Variants in PRRC2B observed in about 807,000 individuals in gnomAD.
PRRC2B encodes the protein protein PRRC2B.
In PRRC2B, 68 loss-of-function variants were observed where a neutral mutation model predicts 242.3. The observed-to-expected ratio is 0.28, with a 90% CI of 0.23 to 0.34. PRRC2B has a LOEUF of 0.34. PRRC2B is among the 10% of genes least tolerant of loss of function. The probability of loss-of-function intolerance (pLI) is 1.00; values close to 1 mark genes in which losing one functional copy is unlikely to be tolerated. For missense variants in PRRC2B, 2,835 were observed against 2,954.8 expected, an observed-to-expected ratio of 0.96 and a Z score of 0.94; for synonymous variants, 1,228 against 1,173.6, an observed-to-expected ratio of 1.05 and a Z score of -0.95.
intron 14 of PRRC2B, among the ~76,000 whole-genome samples, chr9:131,472,255 A>G (rs969369599): frequency 5.3e-5 from 8 of 152,096 alleles, no homozygotes; most frequent in African/African-American, 1.9e-4. Context: ...CTGAAAGTCT[A>G]TGACTTTTAA....
At chr9:131,491,608 C>G (rs1372413362) in intron 29 of PRRC2B, 28 bp downstream of exon 29, 1 of 1,581,184 alleles carries the variant, frequency 6.3e-7, no homozygotes, top group Admixed American at 1.8e-5. Context: ...GCCTCTGACC[C>G]TAGGGAGGGG....
At chr9:131,480,619 ATT>A (rs77800389) in intron 19 of PRRC2B, among the ~76,000 whole-genome samples, 2 of 144,668 alleles carry the variant, frequency 1.4e-5, no homozygotes, top group Admixed American at 6.9e-5. Context: ...ATGTGAAAGG[ATT>A]TTTTTTTTTT....
At chr9:131,391,763 CAG>C (rs1836902242), upstream of PRRC2B, among the ~76,000 whole-genome samples, 1 of 152,132 alleles carries the variant, frequency 6.6e-6, no homozygotes, top group Non-Finnish European at 1.5e-5. Flanking sequence ...TGTTTTGAGA[CAG>C]AGTCTCTCTC....
intron 18 of PRRC2B, 140 bp from the exon 19 acceptor site, chr9:131,479,112 G>GT (rs1943787348): frequency 1.2e-6 from 1 of 824,766 alleles, no homozygotes; most frequent in South Asian, 1.8e-5. Context: ...TCTGCTTGAG[G>GT]TTTTGGGAGA....
At position 131,436,710 on chromosome 9, in the gene PRRC2B, A is replaced by G; in HGVS notation, c.384A>G (p.Ser128=). 3 of 1,613,924 alleles carry G rather than the reference A, an allele frequency of 1.9e-6. No homozygotes were observed. Among genetic ancestry groups the G allele is most frequent in the Non-Finnish European group, 2.5e-6 (3 of 1,179,800 alleles). The change falls in exon 4 of 32, where the codon TCA becomes TCG. Residue 128 remains serine, a synonymous_variant. Transcript: ENST00000683519. Reference sequence around the variant, plus strand: ...CCAATTTGCAGAAACCGACACAGTCAATCAGTCAGGAGGTAGGTGCTGGGA... The same window carrying G: ...CCAATTTGCAGAAACCGACACAGTCGATCAGTCAGGAGGTAGGTGCTGGGA... ...SVSNLQKPTQ[S]ISQENTNSVP...
rs200172727 is a variant in PRRC2B at position 131,475,886 on chromosome 9, A to G, written c.3757A>G (p.Arg1253Gly). The G allele has an allele frequency of 8.9e-5, 143 of 1,613,798 alleles. No homozygotes were observed. Among genetic ancestry groups the G allele is most frequent in the Non-Finnish European group, 1.2e-4 (138 of 1,179,846 alleles). ...ATGCGGATCCCGGCGACCTACAGACAGAGACTATGTCCCAGATTCCTACAG... is the reference window on the plus strand; with the variant it reads ...ATGCGGATCCCGGCGACCTACAGACGGAGACTATGTCCCAGATTCCTACAG... ...DTCGSRRPTD[R>G]DYVPDSYRHP... Residue 1253 changes from arginine (R) to glycine (G), a missense_variant, in exon 16 of 32, where the codon AGA (arginine) becomes GGA (glycine). Arg to Gly is a moderately radical substitution (Grantham distance 125). Transcript: ENST00000683519.
rs141297813 is a variant in PRRC2B at position 131,482,045 on chromosome 9, A to G, written c.4983+237A>G. Among the ~76,000 whole-genome samples the G allele has an allele frequency of 1.8e-3, 270 of 152,344 alleles. No individual in the cohort carries two copies. The highest frequency in any genetic ancestry group is 3.3e-3 in the Non-Finnish European group (224 of 68,032). Reference sequence around the variant, plus strand: ...AAAAGGGGTAACAAGGGAGGACCCAACGCTGGGTGGGAAGAGGGATTCAGG... The same window carrying G: ...AAAAGGGGTAACAAGGGAGGACCCAGCGCTGGGTGGGAAGAGGGATTCAGG... On this transcript the variant is annotated intron_variant, in intron 20 of 31. Transcript: ENST00000683519. The surrounding 1 kb of genome is among the most constrained non-coding windows in gnomAD (Gnocchi z 5.2).
intron 1 of PRRC2B, 96 bp downstream of exon 1, chr9:131,394,359 G>GCCGGGGGC (rs1212857182): frequency 4.1e-5 from 6 of 146,170 alleles, no homozygotes; most frequent in African/African-American, 1.2e-4. Context: ...CGCGGCCGCC[G>GCCGGGGGC]CCGGGGGCCC....
At chr9:131,448,961 C>A (rs1332122506) in intron 9 of PRRC2B, among the ~76,000 whole-genome samples, 5 of 152,136 alleles carry the variant, frequency 3.3e-5, no homozygotes, top group Non-Finnish European at 7.4e-5. Context: ...AGTGCTCTGC[C>A]CTGCCACCGC....
intron 1 of PRRC2B, among the ~76,000 whole-genome samples, chr9:131,385,563 G>A (rs1487158779): frequency 6.6e-6 from 1 of 150,502 alleles, no homozygotes; most frequent in Non-Finnish European, 1.5e-5. Context: ...CCTTGCCTAT[G>A]TAAGTCACTT....
intron 9 of PRRC2B, 29 bp downstream of exon 9, chr9:131,447,833 C>T (rs761409050): frequency 3.8e-5 from 60 of 1,595,832 alleles, no homozygotes; most frequent in Non-Finnish European, 4.5e-5. Context: ...GTGGTTTAGA[C>T]GGGCAGGACC....
At chr9:131,490,845 C>T in intron 28 of PRRC2B, 1 of 314,630 alleles carries the variant, frequency 3.2e-6, no homozygotes, top group Non-Finnish European at 6.4e-6. Flanking sequence ...TCTTTTGGGA[C>T]TTGGCTTCGC....
At chr9:131,425,391 G>A (rs1045707355) in intron 1 of PRRC2B, among the ~76,000 whole-genome samples, 7 of 152,288 alleles carry the variant, frequency 4.6e-5, no homozygotes, top group Admixed American at 2.0e-4. Flanking sequence ...TGAGAGCTGT[G>A]TGTGTCCATT....
At chr9:131,485,897 C>T (rs184095160) in intron 25 of PRRC2B, 188 bp from the exon 26 acceptor site, 46 of 699,314 alleles carry the variant, frequency 6.6e-5, no homozygotes, top group East Asian at 6.5e-4. Flanking sequence ...CCCTGAGGTG[C>T]GTGCCAGGCG....
chr9:131,444,444 G>A (rs1476622078), intron 6 of PRRC2B, 116 bp downstream of exon 6: 19 of 1,145,124 alleles, frequency 1.7e-5, no homozygotes, highest in South Asian at 3.2e-5. Flanking sequence ...AGCTGGAAAC[G>A]TGGCTCTTTG....
chr9:131,459,970 C>CAAAAAAAAAA (rs34696844), intron 11 of PRRC2B, among the ~76,000 whole-genome samples: 1 of 87,098 alleles, frequency 1.1e-5, no homozygotes, highest in African/African-American at 4.4e-5. Context: ...ACCCTATCTC[C>CAAAAAAAAAA]AAAAAAAAAA....
At chr9:131,378,009 G>A (rs1017925992) in intron 1 of PRRC2B, among the ~76,000 whole-genome samples, 47 of 152,098 alleles carry the variant, frequency 3.1e-4, no homozygotes, top group African/African-American at 1.0e-3. Context: ...TCCTACCTTG[G>A]CCTTTCAAAG....
chr9:131,430,840 G>A (rs575578726), intron 2 of PRRC2B, among the ~76,000 whole-genome samples: 7 of 151,666 alleles, frequency 4.6e-5, no homozygotes, highest in Non-Finnish European at 8.8e-5. Context: ...TGATCCACCC[G>A]CCTCGGCCTC....
chr9:131,378,196 C>T (rs1836710027), intron 1 of PRRC2B, among the ~76,000 whole-genome samples: 1 of 151,774 alleles, frequency 6.6e-6, no homozygotes, highest in African/African-American at 2.4e-5. Flanking sequence ...GTAATCCCAG[C>T]TACTCGGGAG....
Sources: allele counts gnomAD v4.1 joint callset (sites outside exome capture counted in the v4.1 genomes callset), GRCh38; gene constraint gnomAD v4.1.1; non-coding constraint Gnocchi (gnomAD v3.1); transcripts MANE v1.5; gene names NCBI Gene and HGNC (gene_info 2026-07-23, HGNC 2026-07-21).